FSHR: variants seen among roughly 807,000 people sequenced by gnomAD.
The protein encoded by FSHR is follicle stimulating hormone receptor, also known as follicle-stimulating hormone receptor.
Under a neutral mutation model 52.1 loss-of-function variants are expected in FSHR, and 46 were observed. The observed-to-expected ratio is 0.88, with a 90% confidence interval of 0.70 to 1.13. FSHR has a LOEUF of 1.13. Among genes scored for constraint, FSHR ranks in the 50% most tolerant of loss-of-function variants. FSHR has a pLI of 0.00. For synonymous variants in FSHR, 399 were observed against 309.6 expected (o/e 1.29, Z -3.03); for missense variants, 964 against 834.6 (o/e 1.16, Z -1.91).
intron 4 of FSHR, among the ~76,000 whole-genome samples, chr2:48,991,381 A>G (rs936214851): frequency 2.6e-5 from 4 of 152,142 alleles, no homozygotes; most frequent in Admixed American, 6.5e-5. Flanking sequence ...ATTAGTTCCT[A>G]ATCCCAAGGA....
intron 4 of FSHR, among the ~76,000 whole-genome samples, chr2:49,016,736 G>A (rs1001698450): frequency 1.3e-5 from 2 of 152,160 alleles, no homozygotes; most frequent in African/African-American, 4.8e-5. Context: ...TGGTTGGTTG[G>A]TTATGCATGA....
chr2:48,986,242 G>A (rs1478692089), intron 6 of FSHR, among the ~76,000 whole-genome samples: 2 of 152,070 alleles, frequency 1.3e-5, no homozygotes, highest in Non-Finnish European at 2.9e-5. Context: ...CTGTCCCTGT[G>A]TTAGTTTGCT....
intron 1 of FSHR, among the ~76,000 whole-genome samples, chr2:49,098,846 T>C (rs896924285): frequency 1.3e-4 from 19 of 146,636 alleles, no homozygotes; most frequent in Non-Finnish European, 2.7e-4. Context: ...TATTATATTA[T>C]ATATACTTTA....
chr2:48,979,778 C>G (rs1451808269), intron 8 of FSHR, among the ~76,000 whole-genome samples: 1 of 151,910 alleles, frequency 6.6e-6, no homozygotes, highest in Non-Finnish European at 1.5e-5. Context: ...TCCGGTAAAC[C>G]TCCCGCATGC....
chr2:49,086,700 G>T (rs923527095), intron 1 of FSHR, among the ~76,000 whole-genome samples: 1 of 152,166 alleles, frequency 6.6e-6, no homozygotes, highest in East Asian at 1.9e-4. Flanking sequence ...GAGTGCAGTG[G>T]TGCAATCTTG....
intron 1 of FSHR, among the ~76,000 whole-genome samples, chr2:49,115,322 T>TA (rs1671560578): frequency 6.6e-6 from 1 of 152,052 alleles, no homozygotes; most frequent in Admixed American, 6.6e-5. Context: ...TGCTTACTAT[T>TA]ATCTCACACC....
At position 48,963,062 on chromosome 2, in the gene FSHR, G is replaced by T. The variant is rs1375863019; in HGVS notation, c.1759C>A (p.Pro587Thr). The change falls in exon 10 of 10, where the codon CCC becomes ACC. Residue 587 changes from proline (P) to threonine (T), a missense_variant. Physicochemically the swap from Pro to Thr is conservative, Grantham distance 38. Coordinates refer to ENST00000406846, the MANE Select transcript of FSHR (RefSeq NM_000145.4). Reference protein sequence around the residue: ...LIFTDFLCMAPISFFAISASL... With the variant: ...LIFTDFLCMATISFFAISASL... ...GCAGAAATGGCAAAGAAAGAAATGG[G>T]TGCCATGCAGAGGAAGTCAGTGAAG... The T allele has an allele frequency of 1.2e-6, 2 of 1,613,936 alleles. No homozygotes were observed. Among genetic ancestry groups the T allele is most frequent in the African/African-American group, 1.3e-5 (1 of 74,914 alleles).
intron 1 of FSHR, among the ~76,000 whole-genome samples, chr2:49,108,678 G>C (rs1018311884): frequency 1.3e-5 from 2 of 152,156 alleles, no homozygotes; most frequent in African/African-American, 4.8e-5. Flanking sequence ...TGTTTGTAAA[G>C]GGAGAATAAA....
intron 2 of FSHR, among the ~76,000 whole-genome samples, chr2:49,030,695 C>T (rs1668071873): frequency 6.6e-6 from 1 of 152,178 alleles, no homozygotes; most frequent in South Asian, 2.1e-4. Flanking sequence ...AGCTGTTATC[C>T]ATCCTGCCCT....
chr2:49,010,742 C>T (rs1667239641), intron 4 of FSHR, among the ~76,000 whole-genome samples: 2 of 152,126 alleles, frequency 1.3e-5, no homozygotes, highest in Admixed American at 1.3e-4. Context: ...CAACTTCTTC[C>T]TGGTTTAGTC....
At chr2:49,039,765 T>C (rs1369659121) in intron 2 of FSHR, among the ~76,000 whole-genome samples, 2 of 152,194 alleles carry the variant, frequency 1.3e-5, no homozygotes. Context: ...TATAGTTAAG[T>C]GAAAAAAGTT....
intron 2 of FSHR, among the ~76,000 whole-genome samples, chr2:49,056,445 A>AATATATATAT (rs70946848): frequency 1.7e-4 from 22 of 128,582 alleles, no homozygotes; most frequent in Non-Finnish European, 2.9e-4. Flanking sequence ...TTACAATTGG[A>AATATATATAT]ATATATATAT....
At chr2:49,113,999 T>C (rs1671514905) in intron 1 of FSHR, among the ~76,000 whole-genome samples, 1 of 152,170 alleles carries the variant, frequency 6.6e-6, no homozygotes, top group South Asian at 2.1e-4. Flanking sequence ...TATCAAGAGC[T>C]CATTTTTCCA....
At chr2:48,973,583 A>G (rs1178281414) in intron 8 of FSHR, among the ~76,000 whole-genome samples, 1 of 152,250 alleles carries the variant, frequency 6.6e-6, no homozygotes, top group Non-Finnish European at 1.5e-5. Context: ...GTGCGATAGC[A>G]TTATAGTCTG....
chr2:49,013,138 T>A (rs979087878), intron 4 of FSHR, among the ~76,000 whole-genome samples: 5 of 145,064 alleles, frequency 3.4e-5, no homozygotes, highest in Non-Finnish European at 6.0e-5. Context: ...CCACCCCCAC[T>A]TTCTCACTCT....
intron 2 of FSHR, 45 bp from the exon 3 acceptor site, chr2:49,020,205 C>T (rs201628139): frequency 5.4e-6 from 8 of 1,473,894 alleles, no homozygotes; most frequent in Admixed American, 1.7e-5. Flanking sequence ...CAGTTACACT[C>T]CTTGAATATT....
At chr2:49,086,216 C>G (rs956305169) in intron 1 of FSHR, among the ~76,000 whole-genome samples, 2 of 152,130 alleles carry the variant, frequency 1.3e-5, no homozygotes, top group African/African-American at 4.8e-5. Flanking sequence ...CCAAGATATG[C>G]TTTTATTTCA....
intron 1 of FSHR, among the ~76,000 whole-genome samples, chr2:49,152,424 T>C (rs896366110): frequency 2.6e-5 from 4 of 152,128 alleles, no homozygotes; most frequent in Non-Finnish European, 5.9e-5. Context: ...TCATATCCTC[T>C]CATAGTAATT....
chr2:49,028,365 G>A (rs1667981666), intron 2 of FSHR, among the ~76,000 whole-genome samples: 1 of 152,210 alleles, frequency 6.6e-6, no homozygotes, highest in Non-Finnish European at 1.5e-5. Context: ...TGACACACAT[G>A]TGTGAGTGGC....
Sources: allele counts gnomAD v4.1 joint callset (sites outside exome capture counted in the v4.1 genomes callset), GRCh38; gene constraint gnomAD v4.1.1; transcripts MANE v1.5; gene names NCBI Gene and HGNC (gene_info 2026-07-23, HGNC 2026-07-21).